ZNF800: variants seen among roughly 807,000 people sequenced by gnomAD.
ZNF800 encodes zinc finger protein 800.
In ZNF800, 13 loss-of-function variants were observed where a neutral mutation model predicts 59.5. The ratio of observed to expected loss-of-function variants is 0.22; its 90% confidence interval spans 0.14 to 0.35. The LOEUF (loss-of-function observed/expected upper bound fraction) is 0.35, where lower values mean the gene tolerates loss of function less well. Ranked by LOEUF, ZNF800 falls within the 10% of genes least tolerant of loss-of-function variation. The pLI, the probability that ZNF800 is intolerant of heterozygous loss-of-function variation, is 1.00. For missense variants in ZNF800, 621 were observed against 783.7 expected (o/e 0.79, Z 2.48); for synonymous variants, 266 against 265.7 (o/e 1.00, Z -0.01).
At chr7:127,347,994 G>T in exon 2 of ZNF800, 1 of 150,248 alleles carries the variant, frequency 6.7e-6, no homozygotes, top group South Asian at 2.0e-4. Context: ...CGGCTCCCGG[G>T]GGCGGCCGGG....
rs1800827003 is a variant in ZNF800, at chr7:127,377,766, G to T, written c.158-437C>A. On this transcript the variant is annotated intron_variant, in intron 3 of 5. Coordinates refer to ENST00000265827, the MANE Select transcript of ZNF800 (RefSeq NM_176814.5). The surrounding 1 kb of genome is among the most constrained non-coding windows in gnomAD (Gnocchi z 4.7). ...GGCTGGTTCTTTGAAGCTCTTTTCT[G>T]TATTAGGAAGTAAGCAAGGAGTTTT... Among the ~76,000 whole-genome samples the T allele has an allele frequency of 6.6e-6, 1 of 151,976 alleles. No homozygotes were observed. Among genetic ancestry groups the T allele is most frequent in the Non-Finnish European group, 1.5e-5 (1 of 67,906 alleles).
intron 5 of ZNF800, chr7:127,372,550 A>C: frequency 2.2e-6 from 2 of 917,294 alleles, no homozygotes; most frequent in Non-Finnish European, 2.6e-6. Flanking sequence ...TACGACACAC[A>C]ACCACAAAAA....
chr7:127,366,055 A>T (rs1363404006), downstream of ZNF800, among the ~76,000 whole-genome samples: 4 of 152,108 alleles, frequency 2.6e-5, no homozygotes, highest in African/African-American at 7.2e-5. Flanking sequence ...CATTTTACAG[A>T]CAGGAAAATT....
At position 127,374,901 on chromosome 7, in the gene ZNF800, T is replaced by C. The variant is rs147093136; in HGVS notation, c.435A>G (p.Gln145=). 1.5e-3 allele frequency: 2,461 copies of C among 1,613,964 alleles called. 4 individuals carry two copies. The highest frequency in any genetic ancestry group is 2.0e-3 in the Non-Finnish European group (2,307 of 1,179,900). The change falls in exon 5 of 6, where the codon CAA becomes CAG. Residue 145 remains glutamine (Q), a synonymous_variant. Transcript: ENST00000265827. ...PIETNQNAVF[Q]YISRTDNPIE... is the part of the protein sequence containing the mutation. ...TAGGATTATCAGTCCTCGAAATATA[T>C]TGAAATACTGCATTTTGATTAGTTT... is the stretch of plus-strand genomic sequence containing the variant.
At position 127,374,481 on chromosome 7, in the gene ZNF800, T is replaced by G. The variant is rs1197981256; in HGVS notation, c.855A>C (p.Leu285Phe). The G allele has an allele frequency of 3.7e-6, 6 of 1,614,120 alleles. No homozygotes were observed. Among genetic ancestry groups the G allele is most frequent in the Non-Finnish European group, 5.1e-6 (6 of 1,179,976 alleles). Reference sequence around the variant, plus strand: ...TACAACATACTGGACAACTCCTACTTAATGGAACTAGAACATTCTTACTGC... The same window carrying G: ...TACAACATACTGGACAACTCCTACTGAATGGAACTAGAACATTCTTACTGC... ...KGRSKNVLVP[L>F]SRSCPVCCKS... is the part of the protein sequence containing the mutation. The change falls in exon 5 of 6, where the codon TTA becomes TTC. Residue 285 changes from leucine to phenylalanine, a missense_variant. Leu to Phe is a conservative substitution (Grantham distance 22). Coordinates refer to ENST00000265827, the MANE Select transcript of ZNF800 (RefSeq NM_176814.5).
intron 2 of ZNF800, among the ~76,000 whole-genome samples, chr7:127,389,212 T>G (rs1000066653): frequency 1.2e-4 from 18 of 152,138 alleles, no homozygotes; most frequent in African/African-American, 4.1e-4. Flanking sequence ...GGAGAGAATA[T>G]AGAGGAAAAG....
chr7:127,372,591 T>C, intron 5 of ZNF800: 1 of 981,726 alleles, frequency 1.0e-6, no homozygotes, highest in Non-Finnish European at 1.2e-6. Context: ...ATTAACTATG[T>C]TAAAATGATC....
intron 3 of ZNF800, among the ~76,000 whole-genome samples, chr7:127,381,714 C>A (rs1346313034): frequency 1.3e-5 from 2 of 151,552 alleles, no homozygotes; most frequent in Non-Finnish European, 2.9e-5. Context: ...GTAAGGAAAA[C>A]AAATCTACTT....
intron 3 of ZNF800, among the ~76,000 whole-genome samples, chr7:127,384,335 G>T (rs950829950): frequency 5.7e-5 from 8 of 139,350 alleles, no homozygotes; most frequent in African/African-American, 2.2e-4. Context: ...CCGGGTTCAC[G>T]CCATTCTCCT....
downstream of ZNF800, among the ~76,000 whole-genome samples, chr7:127,345,496 G>T (rs1400361140): frequency 6.6e-6 from 1 of 152,164 alleles, no homozygotes; most frequent in Non-Finnish European, 1.5e-5. Flanking sequence ...GGATACGGTT[G>T]TGGTGGGAGA....
At position 127,374,360 on chromosome 7, in the gene ZNF800, G is replaced by C. The variant is rs1800725427; in HGVS notation, c.976C>G (p.Pro326Ala). ...DSITPDIATK[P>A]GQPLFLDSIS... ...GAATCCAGGAACAAAGGTTGCCCAGGCTTTGTTGCTATATCAGGAGTAATT... is the reference window on the plus strand; with the variant it reads ...GAATCCAGGAACAAAGGTTGCCCAGCCTTTGTTGCTATATCAGGAGTAATT... Residue 326 changes from proline (P) to alanine (A), a missense_variant, in exon 5 of 6, where the codon CCT becomes GCT. Coordinates refer to ENST00000265827, the MANE Select transcript of ZNF800 (RefSeq NM_176814.5). The C allele has an allele frequency of 1.2e-6, 2 of 1,613,770 alleles. No individual in the cohort carries two copies. The highest frequency in any genetic ancestry group is 1.7e-6 in the Non-Finnish European group (2 of 1,179,956).
At chr7:127,350,440 A>G (rs1467520656) in intron 1 of ZNF800, 3 of 152,236 alleles carry the variant, frequency 2.0e-5, no homozygotes, top group African/African-American at 7.2e-5. Flanking sequence ...TTGACATAGC[A>G]ACATATACTT....
At chr7:127,348,846 T>C (rs1800119827) in intron 1 of ZNF800, among the ~76,000 whole-genome samples, 1 of 152,234 alleles carries the variant, frequency 6.6e-6, no homozygotes, top group South Asian at 2.1e-4. Flanking sequence ...TCAATTCAAA[T>C]TTATGAAAAT....
rs574577573 is a variant in ZNF800, at chr7:127,392,100, A to C, written c.-99T>G. On this transcript the variant is annotated 5_prime_UTR_variant, in exon 1 of 6. Transcript: ENST00000265827. Reference sequence around the variant, plus strand: ...GGCCGGCGGGCGGGCGGAAGGAAGGAAGGCAGGCCGGGCGGCCGCGGGGAC... The same window carrying C: ...GGCCGGCGGGCGGGCGGAAGGAAGGCAGGCAGGCCGGGCGGCCGCGGGGAC... The C allele has an allele frequency of 6.4e-5, 25 of 392,194 alleles. No individual in the cohort carries two copies. The highest frequency in any genetic ancestry group is 3.5e-4 in the African/African-American group (17 of 48,214). 24.3% of individuals were successfully genotyped at this position (392,194 alleles called of 1,614,324 possible). A position where few individuals can be genotyped will look rare whatever the true frequency, so the allele number is the denominator to read the frequency against.
At chr7:127,346,627 C>T (rs1361284872), downstream of ZNF800, among the ~76,000 whole-genome samples, 1 of 152,100 alleles carries the variant, frequency 6.6e-6, no homozygotes, top group Non-Finnish European at 1.5e-5. Flanking sequence ...TGTCAGTGAG[C>T]AAGGAATCTA....
chr7:127,384,226 T>TC (rs1801063589), intron 3 of ZNF800, among the ~76,000 whole-genome samples: 1 of 126,580 alleles, frequency 7.9e-6, no homozygotes. Flanking sequence ...AATTCTAACT[T>TC]CTTTTTTTTT....
At position 127,374,646 on chromosome 7, in the gene ZNF800, C is replaced by A; in HGVS notation, c.690G>T (p.Leu230Phe). The A allele has an allele frequency of 6.2e-7, 1 of 1,614,034 alleles. No individual in the cohort carries two copies. Among genetic ancestry groups the A allele is most frequent in the Non-Finnish European group, 8.5e-7 (1 of 1,179,928 alleles). Residue 230 changes from leucine to phenylalanine, a missense_variant, in exon 5 of 6, where the codon TTG (leucine) becomes TTT (phenylalanine). Around this residue, in one of 7 missense-constraint regions of ZNF800, gnomAD observed 218 missense variants for 230.8 expected, o/e 0.94. Coordinates refer to ENST00000265827, the MANE Select transcript of ZNF800 (RefSeq NM_176814.5). ...TSDNSDFGHQ[L>F]ICCLCRKEFN... ...ATTCTTTTCTACAAAGACAACATATCAACTGGTGACCAAAATCAGAATTGT... is the reference window on the plus strand; with the variant it reads ...ATTCTTTTCTACAAAGACAACATATAAACTGGTGACCAAAATCAGAATTGT...
chr7:127,386,309 A>C (rs1373912584), intron 2 of ZNF800, among the ~76,000 whole-genome samples, 154 bp from the exon 3 acceptor site: 1 of 152,176 alleles, frequency 6.6e-6, no homozygotes, highest in Non-Finnish European at 1.5e-5. Context: ...ATGTAGATAT[A>C]TATATAATTA....
chr7:127,356,562 G>A (rs540988739), intron 1 of ZNF800, among the ~76,000 whole-genome samples: 1 of 151,190 alleles, frequency 6.6e-6, no homozygotes, highest in African/African-American at 2.4e-5. Context: ...ATAGAGGCTT[G>A]CCAGGAAAAA....
Sources: allele counts gnomAD v4.1 joint callset (sites outside exome capture counted in the v4.1 genomes callset), GRCh38; gene constraint gnomAD v4.1.1; regional missense constraint gnomAD v4.1.1; non-coding constraint Gnocchi (gnomAD v3.1); transcripts MANE v1.5; gene names NCBI Gene and HGNC (gene_info 2026-07-23, HGNC 2026-07-21).